The following HNRNPUL2 variants were observed in gnomAD, a reference collection of about 807,000 sequenced individuals.
HNRNPUL2 encodes heterogeneous nuclear ribonucleoprotein U-like protein 2.
A neutral mutation model predicts 102.2 loss-of-function variants in HNRNPUL2; 27 were observed. The observed-to-expected ratio is 0.26, with a 90% CI of 0.19 to 0.36. The LOEUF (loss-of-function observed/expected upper bound fraction) is 0.36, where lower values mean the gene tolerates loss of function less well. HNRNPUL2 is among the 10% of genes least tolerant of loss of function. The probability of loss-of-function intolerance (pLI) is 1.00; values close to 1 mark genes in which losing one functional copy is unlikely to be tolerated. For synonymous variants in HNRNPUL2, 458 were observed against 387.2 expected, an observed-to-expected ratio of 1.18 and a Z score of -2.15; for missense variants, 936 against 981.1, an observed-to-expected ratio of 0.95 and a Z score of 0.61.
intron 3 of HNRNPUL2, 22 bp from the exon 4 acceptor site, chr11:62,723,748 G>A: frequency 6.2e-7 from 1 of 1,614,004 alleles, no homozygotes; most frequent in South Asian, 1.1e-5. Context: ...GAAGCAATCA[G>A]TTTACTCCAA....
rs1403223544 is a variant in HNRNPUL2 at position 62,727,060 on chromosome 11, G to A, written c.97C>T (p.Leu33=). 5 of 1,424,714 alleles carry A rather than the reference G, an allele frequency of 3.5e-6. No individual in the cohort carries two copies. In the Admixed American group the frequency reaches 7.8e-5, roughly 22 times the overall value. The allele number at this position is 1,424,714 out of a possible 1,614,324, so 88.3% of individuals were successfully genotyped here. The change falls in exon 1 of 14, where the codon CTG becomes TTG. Residue 33 remains leucine, a synonymous_variant. Coordinates refer to ENST00000301785, the MANE Select transcript of HNRNPUL2 (RefSeq NM_001079559.3). ...ATCTCGGCGTCCAGCGCCTCCTGCAGCCGCTGCGCCAGATCCACCTTGAGG... is the reference window on the plus strand; with the variant it reads ...ATCTCGGCGTCCAGCGCCTCCTGCAACCGCTGCGCCAGATCCACCTTGAGG... ...RGLKVDLAQR[L]QEALDAEMLE...
In HNRNPUL2 at chr11:62,722,417, C is replaced by T. The variant is rs373428918; in HGVS notation, c.1096-37G>A. ...AGGGACAAGAGCACTTATTGGCTGA[C>T]GAGGCTTTGGGTTGATTAAACTTTA... is the stretch of plus-strand genomic sequence containing the variant. On this transcript the variant is annotated intron_variant, in intron 6 of 13. Transcript: ENST00000301785. 1.6e-4 allele frequency: 262 copies of T among 1,602,510 alleles called. 1 individual carries two copies. The African/African-American group carries it at 2.6e-3, about 16-fold the overall frequency.
intron 1 of HNRNPUL2, among the ~76,000 whole-genome samples, chr11:62,724,813 G>C (rs1344451664): frequency 6.6e-6 from 1 of 152,148 alleles, no homozygotes; most frequent in African/African-American, 2.4e-5. Flanking sequence ...CTAGATTTAA[G>C]GTAGGCAGTT....
chr11:62,725,224 G>A (rs1463412998), intron 1 of HNRNPUL2, among the ~76,000 whole-genome samples: 3 of 152,104 alleles, frequency 2.0e-5, no homozygotes, highest in Non-Finnish European at 4.4e-5. Flanking sequence ...TTGAGACAGA[G>A]TCTCGTTCTG....
chr11:62,726,083 G>C (rs1051269789), intron 1 of HNRNPUL2, among the ~76,000 whole-genome samples: 1 of 152,274 alleles, frequency 6.6e-6, no homozygotes, highest in Admixed American at 6.5e-5. Context: ...TGTTACACTA[G>C]AGGCTCTCCC....
intron 10 of HNRNPUL2, among the ~76,000 whole-genome samples, chr11:62,718,002 C>T (rs1217531949): frequency 1.3e-5 from 2 of 152,068 alleles, no homozygotes; most frequent in Non-Finnish European, 2.9e-5. Context: ...TCCAGTTGGC[C>T]CTCAATTTTA....
At position 62,713,137 on chromosome 11, in the gene HNRNPUL2, GTACCTCCCCTAACCCCT is replaced by G. The variant is rs1437885165; in HGVS notation, c.*2145_*2161del. On this transcript the variant is annotated 3_prime_UTR_variant, in exon 14 of 14. Coordinates refer to ENST00000301785, the MANE Select transcript of HNRNPUL2 (RefSeq NM_001079559.3). ...TTCTAGTGTCAAATATCAACAGCGA[GTACCTCCCCTAACCCCT>G]GCTGGAAAAAAACTCAACTTGATTT... The G allele has an allele frequency of 6.6e-6, 1 of 152,042 alleles. No homozygotes were observed. The highest frequency in any genetic ancestry group is 1.5e-5 in the Non-Finnish European group (1 of 68,010). The allele number at this position is 152,042 out of a possible 1,614,324, so 9.4% of individuals were successfully genotyped here.
chr11:62,726,594 C>T (rs770642404), intron 1 of HNRNPUL2, 25 bp downstream of exon 1: 69 of 1,509,818 alleles, frequency 4.6e-5, no homozygotes, highest in Non-Finnish European at 5.8e-5. Flanking sequence ...CAGGTTGGAG[C>T]CGGGCTCGGC....
At chr11:62,724,539 G>T in intron 1 of HNRNPUL2, 113 bp from the exon 2 acceptor site, 1 of 1,132,032 alleles carries the variant, frequency 8.8e-7, no homozygotes, top group Non-Finnish European at 1.3e-6. Context: ...AAAACAGCCA[G>T]GTTATTCCCA....
Position 62,717,120 on chromosome 11 carries a change from T to G in HNRNPUL2, c.1850A>C (p.Glu617Ala), listed in dbSNP as rs976726535. 1 of 1,614,218 alleles carries G rather than the reference T, an allele frequency of 6.2e-7. No individual in the cohort carries two copies. The highest frequency in any genetic ancestry group is 1.7e-5 in the Admixed American group (1 of 60,024). ...GTACTTAGTGACAATGGGCTGAGCTTCCTCCTTCTCCAGCTCCCCATATGT... is the reference window on the plus strand; with the variant it reads ...GTACTTAGTGACAATGGGCTGAGCTGCCTCCTTCTCCAGCTCCCCATATGT... Reference protein sequence around the residue: ...EVTYGELEKEEAQPIVTKYKE... With the variant: ...EVTYGELEKEAAQPIVTKYKE... The change falls in exon 11 of 14, where the codon GAA (glutamate) becomes GCA (alanine). Residue 617 changes from glutamate (E) to alanine (A), a missense_variant. This residue lies in a region of HNRNPUL2 where 609 missense variants were observed against 713.0 expected (regional missense o/e 0.85). Transcript: ENST00000301785.
At position 62,721,855 on chromosome 11, in the gene HNRNPUL2, C is replaced by T. The variant is rs559974309; in HGVS notation, c.1447G>A (p.Val483Ile). 6.3e-5 allele frequency: 102 copies of T among 1,614,208 alleles called. No individual in the cohort carries two copies. The South Asian group carries it at 1.1e-3, about 17-fold the overall frequency. The change falls in exon 8 of 14, where the codon GTC (valine) becomes ATC (isoleucine). Residue 483 changes from valine (V) to isoleucine (I), a missense_variant. Around this residue, in one of 2 missense-constraint regions of HNRNPUL2, gnomAD observed 609 missense variants for 713.0 expected, o/e 0.85. Transcript: ENST00000301785. ...AKENPEKRYN[V>I]LGAETVLNQM... is the part of the protein sequence containing the mutation. Reference sequence around the variant, plus strand: ...TTGAGCACAGTCTCAGCTCCCAGGACATTGTATCTTTTCTCAGGGTTTTCT... The same window carrying T: ...TTGAGCACAGTCTCAGCTCCCAGGATATTGTATCTTTTCTCAGGGTTTTCT...
chr11:62,715,578 C>T lies in HNRNPUL2; in HGVS notation c.2085G>A (p.Arg695=), dbSNP rs750745998. The change falls in exon 13 of 14, where the codon AGG becomes AGA. Residue 695 remains arginine, a synonymous_variant. Transcript: ENST00000301785. ...GCCCGTAAAATCGATCATAGTCTCC[C>T]CTGTATCGATCATAGAAATTACGGT... The part of the protein sequence containing the change: ...GGYRNFYDRY[R]GDYDRFYGRD... The T allele has an allele frequency of 1.2e-6, 2 of 1,613,052 alleles. No homozygotes were observed. The highest frequency in any genetic ancestry group is 1.7e-6 in the Non-Finnish European group (2 of 1,179,220).
rs2083635541 is a variant in HNRNPUL2 at position 62,713,603 on chromosome 11, G to A, written c.*1696C>T. ...TTGGGCGGAAGGGTGTGTCATGACA[G>A]ACAAGGACACTAGAGGCCAGAATAA... is the stretch of plus-strand genomic sequence containing the variant. On this transcript the variant is annotated 3_prime_UTR_variant, in exon 14 of 14. Coordinates refer to ENST00000301785, the MANE Select transcript of HNRNPUL2 (RefSeq NM_001079559.3). The A allele has an allele frequency of 6.6e-6, 1 of 152,248 alleles. No individual in the cohort carries two copies. Among genetic ancestry groups the A allele is most frequent in the African/African-American group, 2.4e-5 (1 of 41,450 alleles). 9.4% of individuals were successfully genotyped at this position (152,248 alleles called of 1,614,324 possible).
Position 62,726,746 on chromosome 11 carries a change from C to T in HNRNPUL2, c.411G>A (p.Gly137=), listed in dbSNP as rs781053810. The T allele has an allele frequency of 1.9e-6, 3 of 1,601,068 alleles. No homozygotes were observed. In the South Asian group the frequency reaches 3.3e-5, roughly 18 times the overall value. ...CTTCGCCACCATTTACCCCGCCTGA[C>T]CCGGCCGTGGCCTCCGCCGGCTTCT... is the stretch of plus-strand genomic sequence containing the variant. ...ASEKPAEATA[G]SGGVNGGEEQ... is the part of the protein sequence containing the mutation. Residue 137 remains glycine, a synonymous_variant, in exon 1 of 14, where the codon GGG becomes GGA. Coordinates refer to ENST00000301785, the MANE Select transcript of HNRNPUL2 (RefSeq NM_001079559.3).
chr11:62,716,592 G>A (rs1040722647), intron 11 of HNRNPUL2, among the ~76,000 whole-genome samples: 25 of 152,042 alleles, frequency 1.6e-4, no homozygotes, highest in Admixed American at 6.5e-5. Flanking sequence ...CTTGTTAATC[G>A]AAATGACACA....
Position 62,714,710 on chromosome 11 carries a change from T to G in HNRNPUL2, c.*589A>C, listed in dbSNP as rs1437150647. ...GCCTCCCAGCCCACCAGACCACATA[T>G]CCCAAAAGGGAAAGGTCGGTAAAGA... On this transcript the variant is annotated 3_prime_UTR_variant, in exon 14 of 14. Coordinates refer to ENST00000301785, the MANE Select transcript of HNRNPUL2 (RefSeq NM_001079559.3). The G allele has an allele frequency of 6.6e-6, 1 of 152,448 alleles. No homozygotes were observed. Among genetic ancestry groups the G allele is most frequent in the Non-Finnish European group, 1.5e-5 (1 of 68,380 alleles). The allele number at this position is 152,448 out of a possible 1,614,324, so 9.4% of individuals were successfully genotyped here.
At position 62,727,251 on chromosome 11, in the gene HNRNPUL2, C is replaced by T; in HGVS notation, c.-95G>A. On this transcript the variant is annotated 5_prime_UTR_variant, in exon 1 of 14. Transcript: ENST00000301785. ...AGGCGCCGCCGCCGCCGCCCGCCTC[C>T]GCCTCACGCGCCAGCACTGAGCCCG... The T allele has an allele frequency of 7.7e-7, 1 of 1,295,928 alleles. No homozygotes were observed. Among genetic ancestry groups the T allele is most frequent in the Non-Finnish European group, 9.8e-7 (1 of 1,024,514 alleles). The allele number at this position is 1,295,928 out of a possible 1,614,324, so 80.3% of individuals were successfully genotyped here.
chr11:62,718,640 C>G (rs1341219107), intron 10 of HNRNPUL2, among the ~76,000 whole-genome samples: 1 of 147,380 alleles, frequency 6.8e-6, no homozygotes. Flanking sequence ...TTGCAGTGAG[C>G]CGAGATCGCG....
At chr11:62,715,756 G>T in intron 12 of HNRNPUL2, 108 bp downstream of exon 12, 1 of 1,188,626 alleles carries the variant, frequency 8.4e-7, no homozygotes, top group East Asian at 2.4e-5. Context: ...CATATTAAAT[G>T]GGCAAAACCC....
Sources: gnomAD v4.1 joint callset for allele counts (sites outside exome capture counted in the v4.1 genomes callset) on GRCh38, gnomAD v4.1.1 for gene constraint, gnomAD v4.1.1 regional missense constraint, MANE v1.5 for transcripts, NCBI Gene and HGNC (gene_info 2026-07-23, HGNC 2026-07-21) for gene names.